The following UPB1 variants were observed in gnomAD, a reference collection of about 807,000 sequenced individuals.
UPB1 encodes beta-ureidopropionase 1, also known as beta-ureidopropionase.
Under a neutral mutation model 49.1 loss-of-function variants are expected in UPB1, and 40 were observed. The ratio of observed to expected loss-of-function variants is 0.81; its 90% CI spans 0.63 to 1.06. The LOEUF is 1.06. Ranked by LOEUF, UPB1 falls within the 50% of genes least tolerant of loss-of-function variation. UPB1 has a pLI of 0.00. For synonymous variants in UPB1, 207 were observed against 198.2 expected (o/e 1.04, Z -0.38); for missense variants, 499 against 505.9 (o/e 0.99, Z 0.13).
rs1027132677 is a variant in UPB1, at chr22:24,523,660, G to A, written c.958G>A (p.Ala320Thr). 2.4e-5 allele frequency: 38 copies of A among 1,614,102 alleles called. No individual in the cohort carries two copies. Among genetic ancestry groups the A allele is most frequent in the Non-Finnish European group, 3.1e-5 (36 of 1,180,046 alleles). ...FGYFYGSSYV[A>T]APDSSRTPGL... ...CTACTTTTATGGCTCGAGCTATGTG[G>A]CAGCCCCTGACAGCAGCCGGACTCC... The change falls in exon 9 of 10, where the codon GCA becomes ACA. Residue 320 changes from alanine (A) to threonine (T), a missense_variant. Ala to Thr is a moderately conservative substitution (Grantham distance 58, BLOSUM62 0). Transcript: ENST00000326010.
At position 24,526,035 on chromosome 22, in the gene UPB1, AT is replaced by A; in HGVS notation, c.*244del. On this transcript the variant is annotated 3_prime_UTR_variant, in exon 10 of 10. Transcript: ENST00000326010. ...AGGTGAATGTACTAAATGCCACTGA[AT>A]TTGTATACTTCAGAATGTTTGTTAT... 1.8e-6 allele frequency: 1 copy of A among 545,652 alleles called. No individual in the cohort carries two copies. Among genetic ancestry groups the A allele is most frequent in the Non-Finnish European group, 3.3e-6 (1 of 302,684 alleles). The allele number at this position is 545,652 out of a possible 1,614,324, so 33.8% of individuals were successfully genotyped here.
At chr22:24,495,811 C>T (rs2043861252) in intron 1 of UPB1, among the ~76,000 whole-genome samples, 1 of 152,206 alleles carries the variant, frequency 6.6e-6, no homozygotes, top group Non-Finnish European at 1.5e-5. Flanking sequence ...TCCCCGGAGC[C>T]GGGCTTGTCT....
At chr22:24,522,300 G>T (rs2044408949) in intron 8 of UPB1, among the ~76,000 whole-genome samples, 1 of 152,160 alleles carries the variant, frequency 6.6e-6, no homozygotes, top group Non-Finnish European at 1.5e-5. Context: ...GGATGTGGGG[G>T]ATCCTCTGTG....
chr22:24,515,043 G>T (rs552266200), intron 5 of UPB1, among the ~76,000 whole-genome samples, 158 bp from the exon 6 acceptor site: 6 of 152,218 alleles, frequency 3.9e-5, no homozygotes, highest in East Asian at 3.9e-4. Context: ...GGGTTTTTTT[G>T]TGTGTGTTTT....
chr22:24,516,307 C>G (rs899855850), intron 6 of UPB1, among the ~76,000 whole-genome samples: 1 of 152,208 alleles, frequency 6.6e-6, no homozygotes, highest in East Asian at 1.9e-4. Context: ...GGAGGGTGGC[C>G]CCGGAAGCCC....
At chr22:24,525,395 T>C (rs1001223901) in intron 9 of UPB1, among the ~76,000 whole-genome samples, 3 of 152,184 alleles carry the variant, frequency 2.0e-5, no homozygotes, top group Non-Finnish European at 2.9e-5. Context: ...GTCACTCCTC[T>C]CTGGGCTGTA....
chr22:24,497,709 T>C (rs1044219254), intron 1 of UPB1, among the ~76,000 whole-genome samples: 1 of 152,188 alleles, frequency 6.6e-6, no homozygotes, highest in African/African-American at 2.4e-5. Flanking sequence ...AGGTTATGGC[T>C]CATTTGCTGG....
chr22:24,496,372 A>G (rs867279644), intron 1 of UPB1, among the ~76,000 whole-genome samples: 1 of 141,528 alleles, frequency 7.1e-6, no homozygotes, highest in African/African-American at 2.7e-5. Context: ...CCCTGTCTCA[A>G]ACACACACAC....
intron 9 of UPB1, among the ~76,000 whole-genome samples, chr22:24,524,239 C>T (rs1402724497): frequency 6.6e-6 from 1 of 152,160 alleles, no homozygotes; most frequent in Admixed American, 6.5e-5. Flanking sequence ...GCCTTCCTTC[C>T]TTGGTCACCT....
rs1339338740 is a variant in UPB1, at chr22:24,520,437, G to A, written c.842G>A (p.Cys281Tyr). 1 of 1,614,024 alleles carries A rather than the reference G, an allele frequency of 6.2e-7. No homozygotes were observed. The highest frequency in any genetic ancestry group is 1.3e-5 in the African/African-American group (1 of 74,934). ...AGAAACGCAGCCATTGCCAATCACT[G>A]CTTCACCTGCGCCATCAATCGAGTG... is the stretch of plus-strand genomic sequence containing the variant. ...EARNAAIANH[C>Y]FTCAINRVGT... The change falls in exon 7 of 10, where the codon TGC (cysteine) becomes TAC (tyrosine). Residue 281 changes from cysteine (C) to tyrosine (Y), a missense_variant. Cys to Tyr is a radical substitution (Grantham distance 194). Transcript: ENST00000326010.
intron 5 of UPB1, among the ~76,000 whole-genome samples, chr22:24,514,987 C>T (rs891959687): frequency 6.6e-6 from 1 of 152,126 alleles, no homozygotes; most frequent in Non-Finnish European, 1.5e-5. Flanking sequence ...TGGGCAAATG[C>T]TTAAGCCACT....
At position 24,525,818 on chromosome 22, in the gene UPB1, G is replaced by T. The variant is rs781562968; in HGVS notation, c.*24G>T. 9 of 1,613,886 alleles carry T rather than the reference G, an allele frequency of 5.6e-6. No individual in the cohort carries two copies. Among genetic ancestry groups the T allele is most frequent in the Non-Finnish European group, 7.6e-6 (9 of 1,179,908 alleles). On this transcript the variant is annotated 3_prime_UTR_variant, in exon 10 of 10. Transcript: ENST00000326010. ...AGCCGGCTTCAGTGCCTGCCTTGGG[G>T]TGAGGAAGACACCTCTGCCCCAGTG...
At chr22:24,510,881 A>G in intron 4 of UPB1, 38 bp downstream of exon 4, 1 of 1,603,792 alleles carries the variant, frequency 6.2e-7, no homozygotes, top group Non-Finnish European at 8.5e-7. Context: ...CAGCTGCCAA[A>G]TATGTGCAAG....
chr22:24,508,809 A>AG (rs2044139366), intron 3 of UPB1, among the ~76,000 whole-genome samples: 1 of 152,078 alleles, frequency 6.6e-6, no homozygotes. Flanking sequence ...TGAACCCAGG[A>AG]GGTGGAGGTT....
intron 2 of UPB1, 26 bp downstream of exon 2, chr22:24,500,304 A>C: frequency 6.2e-7 from 1 of 1,613,092 alleles, no homozygotes; most frequent in Non-Finnish European, 8.5e-7. Context: ...ACCATAATAA[A>C]TACACAAACA....
intron 6 of UPB1, chr22:24,516,681 G>C (rs1324297759): frequency 6.6e-6 from 1 of 151,980 alleles, no homozygotes; most frequent in Non-Finnish European, 1.5e-5. Context: ...GCCTGCACTT[G>C]TCTCTCTTGT....
chr22:24,521,802 C>T (rs1039901227), intron 7 of UPB1, among the ~76,000 whole-genome samples, 184 bp from the exon 8 acceptor site: 8 of 152,202 alleles, frequency 5.3e-5, no homozygotes, highest in Non-Finnish European at 1.2e-4. Flanking sequence ...GCTGGCTGCT[C>T]AGCAGGAGTG....
intron 6 of UPB1, among the ~76,000 whole-genome samples, chr22:24,517,016 C>T (rs906756748): frequency 6.6e-6 from 1 of 152,130 alleles, no homozygotes; most frequent in Non-Finnish European, 1.5e-5. Flanking sequence ...GAGCCACTGC[C>T]CCCGGCCAAA....
chr22:24,521,512 G>T (rs2147040249), intron 7 of UPB1, among the ~76,000 whole-genome samples: 1 of 152,182 alleles, frequency 6.6e-6, no homozygotes, highest in African/African-American at 2.4e-5. Context: ...AAATAGAAAA[G>T]AAACCTGATG....
Sources: allele counts gnomAD v4.1 joint callset (sites outside exome capture counted in the v4.1 genomes callset), GRCh38; gene constraint gnomAD v4.1.1; transcripts MANE v1.5; gene names NCBI Gene and HGNC (gene_info 2026-07-23, HGNC 2026-07-21).